Variants in ING4 observed in about 807,000 individuals in gnomAD.
The protein encoded by ING4 is inhibitor of growth protein 4.
ING4 carries 28 observed loss-of-function variants against 33.1 expected under a neutral mutation model. The observed-to-expected ratio is 0.85, with a 90% CI of 0.63 to 1.16. ING4 has a LOEUF of 1.16. Among genes scored for constraint, ING4 ranks in the 50% most tolerant of loss-of-function variants. ING4 has a pLI of 0.00. For missense variants in ING4, 247 were observed against 314.7 expected (o/e 0.78, Z 1.63); for synonymous variants, 87 against 104.4 (o/e 0.83, Z 1.02).
At chr12:6,659,183 G>A (rs1376572960) in intron 1 of ING4, among the ~76,000 whole-genome samples, 9 of 152,144 alleles carry the variant, frequency 5.9e-5, no homozygotes. Flanking sequence ...CCAGCACTCT[G>A]GAAGGCAGGT....
intron 2 of ING4, chr12:6,655,875 T>C (rs1452868362): frequency 4.4e-6 from 2 of 456,248 alleles, no homozygotes; most frequent in Admixed American, 2.3e-5. Flanking sequence ...GCAGCCAAAT[T>C]TGCTCAATGT....
chr12:6,662,370 G>T (rs1239476238), intron 1 of ING4, among the ~76,000 whole-genome samples: 1 of 151,850 alleles, frequency 6.6e-6, no homozygotes, highest in Non-Finnish European at 1.5e-5. Context: ...CTACTAGATC[G>T]TGAGCTTCTT....
chr12:6,656,171 CT>C (rs199755461), intron 2 of ING4, among the ~76,000 whole-genome samples: 2,439 of 140,934 alleles, frequency 0.017, 17 homozygotes, highest in Admixed American at 0.03. Flanking sequence ...TTTAATTCTT[CT>C]TTTTTTTTTT....
Position 6,653,051 on chromosome 12 carries a change from C to G in ING4, c.277-1G>C. 1.9e-6 allele frequency: 3 copies of G among 1,613,980 alleles called. No homozygotes were observed. Among genetic ancestry groups the G allele is most frequent in the South Asian group, 1.1e-5 (1 of 91,082 alleles). On this transcript the variant is annotated splice_acceptor_variant, in intron 3 of 7. Transcript: ENST00000341550. LOFTEE classifies it high-confidence loss of function. ...CCAGCCGCCGAATGTGTTTGTCCAC[C>G]TGGGTGGAAAGGAAGGAGAAAGGAG...
chr12:6,653,220 AG>A lies in ING4; in HGVS notation c.276+9del. On this transcript the variant is annotated intron_variant, in intron 3 of 7. Coordinates refer to ENST00000341550, the MANE Select transcript of ING4 (RefSeq NM_016162.4). Reference sequence around the variant, plus strand: ...GGGAAGTAGGTGGGGAGCCATGAACAGGGCCATACCATCTCATAGGTCTGCA... The same window carrying A: ...GGGAAGTAGGTGGGGAGCCATGAACAGGCCATACCATCTCATAGGTCTGCA... 6.2e-7 allele frequency: 1 copy of A among 1,613,802 alleles called. No homozygotes were observed.
At position 6,651,329 on chromosome 12, in the gene ING4, C is replaced by G. The variant is rs1348660576; in HGVS notation, c.702G>C (p.Gly234=). 2.5e-6 allele frequency: 4 copies of G among 1,614,128 alleles called. No individual in the cohort carries two copies. The Admixed American group carries it at 5.0e-5, about 20-fold the overall frequency. The change falls in exon 7 of 8, where the codon GGG becomes GGC. Residue 234 remains glycine (G), a synonymous_variant. Coordinates refer to ENST00000341550, the MANE Select transcript of ING4 (RefSeq NM_016162.4). Reference sequence around the variant, plus strand: ...CTCCAACTCCTGCCACTTACCATTTCCCCCGAGGCTTGGTTGTCAGCCCCA... The same window carrying G: ...CTCCAACTCCTGCCACTTACCATTTGCCCCGAGGCTTGGTTGTCAGCCCCA... ...ACVGLTTKPR[G]KWFCPRCSQE...
Position 6,650,899 on chromosome 12 carries a change from C to T in ING4, c.*296G>A, listed in dbSNP as rs1040785166. 2.9e-5 allele frequency: 14 copies of T among 487,188 alleles called. No individual in the cohort carries two copies. The highest frequency in any genetic ancestry group is 5.8e-5 in the African/African-American group (3 of 51,790). The allele number at this position is 487,188 out of a possible 1,614,324, so 30.2% of individuals were successfully genotyped here. On this transcript the variant is annotated 3_prime_UTR_variant, in exon 8 of 8. Coordinates refer to ENST00000341550, the MANE Select transcript of ING4 (RefSeq NM_016162.4). ...AGCAAGGAGAATGAAAAGGACCCTC[C>T]CTCTGAAATACAGCACCGACCTCAG...
At position 6,661,406 on chromosome 12, in the gene ING4, G is replaced by GTTTT. The variant is rs1174675715; in HGVS notation, c.37+1655_37+1658dup. On this transcript the variant is annotated intron_variant, in intron 1 of 7. Coordinates refer to ENST00000341550, the MANE Select transcript of ING4 (RefSeq NM_016162.4). ...CCACCGTGCCTGGCCACCAGCCTTT[G>GTTTT]TTTTTTTTTTTTTTTTTTTTTTTGA... is the stretch of plus-strand genomic sequence containing the variant. Among the ~76,000 whole-genome samples, 144 of 118,562 alleles carry GTTTT rather than the reference G, an allele frequency of 1.2e-3. 4 individuals carry two copies. The highest frequency in any genetic ancestry group is 4.6e-3 in the African/African-American group (127 of 27,338). The allele number at this position is 118,562 out of a possible 152,430, so 77.8% of individuals were successfully genotyped here. A position where few individuals can be genotyped will look rare whatever the true frequency, so the allele number is the denominator to read the frequency against.
chr12:6,653,680 G>A (rs1565399721), intron 2 of ING4, among the ~76,000 whole-genome samples: 1 of 152,160 alleles, frequency 6.6e-6, no homozygotes, highest in African/African-American at 2.4e-5. Flanking sequence ...AATATGAAGT[G>A]TATTTTTGTC....
At chr12:6,661,912 C>A (rs753288705) in intron 1 of ING4, among the ~76,000 whole-genome samples, 2 of 152,280 alleles carry the variant, frequency 1.3e-5, no homozygotes, top group Non-Finnish European at 2.9e-5. Flanking sequence ...CAATATCATG[C>A]TCCAATTTAC....
In ING4 at chr12:6,663,057, G is replaced by A; in HGVS notation, c.37+8C>T. Reference sequence around the variant, plus strand: ...CAGCCCCGACCCCCACCTCCAGCCTGCTCTTACTGTCCAGATAATGTTCCA... The same window carrying A: ...CAGCCCCGACCCCCACCTCCAGCCTACTCTTACTGTCCAGATAATGTTCCA... On this transcript the variant is annotated splice_region_variant and intron_variant, in intron 1 of 7. Coordinates refer to ENST00000341550, the MANE Select transcript of ING4 (RefSeq NM_016162.4). 1 of 1,613,862 alleles carries A rather than the reference G, an allele frequency of 6.2e-7. No homozygotes were observed. The highest frequency in any genetic ancestry group is 1.1e-5 in the South Asian group (1 of 91,056).
At position 6,651,788 on chromosome 12, in the gene ING4, C is replaced by T. The variant is rs547557798; in HGVS notation, c.646-403G>A. Reference sequence around the variant, plus strand: ...AACTCCTGATCTCAAGTGATCTGCTCACCTTGGCCTCCCAAAGTGCTGGGA... The same window carrying T: ...AACTCCTGATCTCAAGTGATCTGCTTACCTTGGCCTCCCAAAGTGCTGGGA... On this transcript the variant is annotated intron_variant, in intron 6 of 7. Transcript: ENST00000341550. 2.0e-5 allele frequency among the ~76,000 whole-genome samples: 3 copies of T among 151,628 alleles called. No individual in the cohort carries two copies. In the East Asian group the frequency reaches 5.8e-4, roughly 29 times the overall value.
At chr12:6,659,673 C>T (rs1015045691) in intron 1 of ING4, among the ~76,000 whole-genome samples, 4 of 151,686 alleles carry the variant, frequency 2.6e-5, no homozygotes, top group East Asian at 3.9e-4. Context: ...ATTAGCTGGC[C>T]GTGGTGGCGG....
chr12:6,651,972 G>A (rs538967076), intron 6 of ING4, among the ~76,000 whole-genome samples: 4 of 150,050 alleles, frequency 2.7e-5, no homozygotes, highest in African/African-American at 9.8e-5. Flanking sequence ...CCTGCCTCTC[G>A]CCTCAGCCTC....
In ING4 at chr12:6,651,258, A is replaced by T. The variant is rs1555079507; in HGVS notation, c.708-24T>A. 1.4e-5 allele frequency: 23 copies of T among 1,613,996 alleles called. No individual in the cohort carries two copies. In the South Asian group the frequency reaches 2.3e-4, roughly 16 times the overall value. ...ACCTGAAACAGAGAAGGGGAGAGAAAAGTGAGTGAAAGGGAGAATGCCCTT... is the reference window on the plus strand; with the variant it reads ...ACCTGAAACAGAGAAGGGGAGAGAATAGTGAGTGAAAGGGAGAATGCCCTT... On this transcript the variant is annotated intron_variant, in intron 7 of 7. Coordinates refer to ENST00000341550, the MANE Select transcript of ING4 (RefSeq NM_016162.4).
chr12:6,656,043 T>C, intron 2 of ING4: 1 of 386,174 alleles, frequency 2.6e-6, no homozygotes, highest in Non-Finnish European at 5.1e-6. Flanking sequence ...TATGTTGCAG[T>C]CTAAAGTCAC....
At chr12:6,651,815 T>TACAG (rs886461072) in intron 6 of ING4, among the ~76,000 whole-genome samples, 2 of 151,456 alleles carry the variant, frequency 1.3e-5, no homozygotes, top group Non-Finnish European at 2.9e-5. Flanking sequence ...GTGCTGGGAT[T>TACAG]ACAGGCGTGA....
chr12:6,656,875 C>T (rs1949369333), intron 1 of ING4, 77 bp from the exon 2 acceptor site: 1 of 898,178 alleles, frequency 1.1e-6, no homozygotes, highest in South Asian at 1.8e-5. Context: ...CAGTTCAGGC[C>T]GGACATGGTG....
At chr12:6,657,380 C>T (rs1592326721) in intron 1 of ING4, among the ~76,000 whole-genome samples, 2 of 152,080 alleles carry the variant, frequency 1.3e-5, no homozygotes, top group South Asian at 4.2e-4. Flanking sequence ...ACCTGGGAGG[C>T]GGAGTTTGCA....
Sources: allele counts gnomAD v4.1 joint callset (sites outside exome capture counted in the v4.1 genomes callset), GRCh38; gene constraint gnomAD v4.1.1; transcripts MANE v1.5; gene names NCBI Gene and HGNC (gene_info 2026-07-23, HGNC 2026-07-21).